Variants in THRB observed in about 807,000 individuals in gnomAD.
THRB encodes thyroid hormone receptor beta, also known as nuclear receptor subfamily 1 group A member 2.
In THRB, 12 loss-of-function variants were observed where a neutral mutation model predicts 47.8. That is an observed-to-expected ratio of 0.25 (90% CI 0.16 to 0.41). THRB has a LOEUF of 0.41. Ranked by LOEUF, THRB falls within the 10% of genes least tolerant of loss-of-function variation. The pLI, the probability that THRB is intolerant of heterozygous loss-of-function variation, is 1.00. For synonymous variants in THRB, 218 were observed against 212.2 expected (o/e 1.03, Z -0.24); for missense variants, 348 against 589.2 (o/e 0.59, Z 4.24).
At chr3:24,414,963 T>C (rs1156447724) in intron 1 of THRB, among the ~76,000 whole-genome samples, 3 of 151,868 alleles carry the variant, frequency 2.0e-5, no homozygotes, top group African/African-American at 7.2e-5. Flanking sequence ...TTCCATGGCA[T>C]TTTTGGTGGG....
At chr3:24,361,479 A>C (rs1212309092) in intron 1 of THRB, among the ~76,000 whole-genome samples, 1 of 152,132 alleles carries the variant, frequency 6.6e-6, no homozygotes, top group Non-Finnish European at 1.5e-5. Flanking sequence ...GATGTGTCCC[A>C]AAAAGAGGGG....
intron 5 of THRB, among the ~76,000 whole-genome samples, chr3:24,182,516 A>G (rs1436015538): frequency 1.3e-5 from 2 of 152,198 alleles, no homozygotes; most frequent in East Asian, 3.9e-4. Flanking sequence ...AGAAACTTCA[A>G]TCCTGCCAGC....
At chr3:24,493,848 A>C (rs757076882) in intron 1 of THRB, among the ~76,000 whole-genome samples, 1 of 152,242 alleles carries the variant, frequency 6.6e-6, no homozygotes, top group Non-Finnish European at 1.5e-5. Context: ...GGTCATTGGG[A>C]AATCCTCCCC....
intron 1 of THRB, among the ~76,000 whole-genome samples, chr3:24,482,515 CTT>C (rs1397545104): frequency 1.3e-5 from 2 of 149,706 alleles, no homozygotes; most frequent in African/African-American, 5.0e-5. Context: ...TTCATTCGTT[CTT>C]TCTTTCTTTC....
At chr3:24,252,268 A>C (rs1030858207) in intron 3 of THRB, among the ~76,000 whole-genome samples, 2 of 152,144 alleles carry the variant, frequency 1.3e-5, no homozygotes, top group Non-Finnish European at 2.9e-5. Flanking sequence ...AAAACAGTGC[A>C]GTATTGGTGC....
chr3:24,293,557 G>A (rs1342914290), intron 3 of THRB, among the ~76,000 whole-genome samples: 1 of 152,164 alleles, frequency 6.6e-6, no homozygotes, highest in Non-Finnish European at 1.5e-5. Context: ...TGAATGTAGT[G>A]TTTATCTGTC....
intron 1 of THRB, among the ~76,000 whole-genome samples, chr3:24,387,436 A>G (rs1009123614): frequency 1.3e-5 from 2 of 152,164 alleles, no homozygotes; most frequent in African/African-American, 4.8e-5. Context: ...TTGTTCACAA[A>G]GAGTATTATA....
At chr3:24,251,378 G>A (rs2050651843) in intron 3 of THRB, among the ~76,000 whole-genome samples, 1 of 152,054 alleles carries the variant, frequency 6.6e-6, no homozygotes, top group Admixed American at 6.5e-5. Context: ...GGTCTCATGT[G>A]TAAAGATATC....
intron 3 of THRB, among the ~76,000 whole-genome samples, chr3:24,285,554 C>T (rs1471230760): frequency 1.3e-5 from 2 of 151,298 alleles, no homozygotes; most frequent in Non-Finnish European, 2.9e-5. Context: ...GCACATTGTG[C>T]ACATGTACCC....
At chr3:24,227,711 G>A (rs910186577) in intron 4 of THRB, among the ~76,000 whole-genome samples, 1 of 152,178 alleles carries the variant, frequency 6.6e-6, no homozygotes, top group African/African-American at 2.4e-5. Flanking sequence ...GTCTACTGGA[G>A]AATAAGTTCT....
intron 1 of THRB, among the ~76,000 whole-genome samples, chr3:24,378,353 C>T (rs538011387): frequency 5.9e-5 from 9 of 152,236 alleles, no homozygotes; most frequent in East Asian, 1.9e-4. Context: ...TCACCAGAAA[C>T]GCTAATAAAT....
chr3:24,411,226 G>C (rs564239465), intron 1 of THRB, among the ~76,000 whole-genome samples: 1 of 151,908 alleles, frequency 6.6e-6, no homozygotes, highest in Admixed American at 6.6e-5. Flanking sequence ...ATGATTCATA[G>C]AATGACGGTC....
intron 1 of THRB, among the ~76,000 whole-genome samples, chr3:24,376,210 C>A (rs1416411817): frequency 6.6e-6 from 1 of 152,156 alleles, no homozygotes; most frequent in African/African-American, 2.4e-5. Context: ...ATATTTGAAG[C>A]CACAATTTTA....
intron 1 of THRB, among the ~76,000 whole-genome samples, chr3:24,359,131 G>A (rs2063895437): frequency 6.6e-6 from 1 of 152,108 alleles, no homozygotes; most frequent in Non-Finnish European, 1.5e-5. Context: ...CAGAATTCAA[G>A]CAGGGCTTCG....
chr3:24,482,733 G>C (rs1206849288), intron 1 of THRB, among the ~76,000 whole-genome samples: 1 of 152,134 alleles, frequency 6.6e-6, no homozygotes, highest in African/African-American at 2.4e-5. Flanking sequence ...GATATGCTGA[G>C]TCCTAGAGAC....
chr3:24,439,988 A>G (rs2071373209), intron 1 of THRB, among the ~76,000 whole-genome samples: 1 of 152,250 alleles, frequency 6.6e-6, no homozygotes, highest in Non-Finnish European at 1.5e-5. Flanking sequence ...TTTGGGACAC[A>G]GCAGTTCAAT....
chr3:24,420,812 C>T (rs756719800), intron 1 of THRB, among the ~76,000 whole-genome samples: 5 of 151,836 alleles, frequency 3.3e-5, no homozygotes, highest in Non-Finnish European at 7.4e-5. Flanking sequence ...GACCTAAAAA[C>T]AGAAATACCA....
chr3:24,392,800 A>G (rs1029485536), intron 1 of THRB, among the ~76,000 whole-genome samples: 19 of 152,148 alleles, frequency 1.2e-4, no homozygotes, highest in Non-Finnish European at 2.5e-4. Context: ...AAATTCCTGA[A>G]AGGATTTTCA....
chr3:24,269,277 C>CCACACACACACACA (rs4024153), intron 3 of THRB, among the ~76,000 whole-genome samples: 5 of 140,754 alleles, frequency 3.6e-5, no homozygotes, highest in African/African-American at 8.1e-5. Flanking sequence ...AATGGATACA[C>CCACACACACACACA]CACACACACA....
Sources: allele counts gnomAD v4.1 joint callset (sites outside exome capture counted in the v4.1 genomes callset), GRCh38; gene constraint gnomAD v4.1.1; transcripts MANE v1.5; gene names NCBI Gene and HGNC (gene_info 2026-07-23, HGNC 2026-07-21).